DPP6: variants seen among roughly 807,000 people sequenced by gnomAD.
DPP6 encodes the protein A-type potassium channel modulatory protein DPP6.
In DPP6, 69 loss-of-function variants were observed where a neutral mutation model predicts 122.6. That is an observed-to-expected ratio of 0.56 (90% CI 0.46 to 0.69). DPP6 has a LOEUF of 0.69. Ranked by LOEUF, DPP6 falls within the 30% of genes least tolerant of loss-of-function variation. The pLI, the probability that DPP6 is intolerant of heterozygous loss-of-function variation, is 0.00. For missense variants in DPP6, 928 were observed against 1,116.9 expected (o/e 0.83, Z 2.41); for synonymous variants, 418 against 433.1 (o/e 0.97, Z 0.43).
intron 16 of DPP6, among the ~76,000 whole-genome samples, chr7:154,823,195 C>T (rs1799917012): frequency 6.6e-6 from 1 of 152,090 alleles, no homozygotes; most frequent in African/African-American, 2.4e-5. Flanking sequence ...CTCACAAGAC[C>T]TGGAACTGTG....
chr7:154,873,793 C>T (rs1301417568), intron 19 of DPP6, among the ~76,000 whole-genome samples: 3 of 150,374 alleles, frequency 2.0e-5, no homozygotes, highest in Non-Finnish European at 4.4e-5. Flanking sequence ...CACATGTGCA[C>T]ACATGCATCC....
chr7:153,766,606 AG>A, the DPP6 span, among the ~76,000 whole-genome samples: 1 of 152,164 alleles, frequency 6.6e-6, no homozygotes, highest in Non-Finnish European at 1.5e-5. Flanking sequence ...AGAATCCATG[AG>A]TTTTTTTTAA....
chr7:154,242,256 G>A (rs1563358507), intron 1 of DPP6, among the ~76,000 whole-genome samples: 1 of 152,148 alleles, frequency 6.6e-6, no homozygotes, highest in Admixed American at 6.5e-5. Context: ...CTTCACTCAG[G>A]CTTATGGAAT....
intron 3 of DPP6, among the ~76,000 whole-genome samples, chr7:154,511,680 A>T (rs1826101702): frequency 6.6e-6 from 1 of 152,224 alleles, no homozygotes; most frequent in Non-Finnish European, 1.5e-5. Flanking sequence ...CATTTAATAA[A>T]TACAAGTATG....
At chr7:154,804,998 C>A in intron 15 of DPP6, 34 bp downstream of exon 15, 1 of 1,578,564 alleles carries the variant, frequency 6.3e-7, no homozygotes, top group South Asian at 1.2e-5. Context: ...CAGGGCTCTC[C>A]CCCTTAGGAG....
chr7:154,253,908 C>T (rs1802501567), intron 1 of DPP6, among the ~76,000 whole-genome samples: 1 of 152,192 alleles, frequency 6.6e-6, no homozygotes, highest in Non-Finnish European at 1.5e-5. Context: ...TGTGTCTTCA[C>T]ATGGTGGCAG....
intron 7 of DPP6, among the ~76,000 whole-genome samples, chr7:154,717,074 GC>G (rs1841529914): frequency 1.3e-5 from 2 of 152,006 alleles, no homozygotes; most frequent in Non-Finnish European, 2.9e-5. Flanking sequence ...CTCGTGATCT[GC>G]CCACCTCAGC....
chr7:154,529,417 A>G (rs893289545), intron 3 of DPP6, among the ~76,000 whole-genome samples: 2 of 152,250 alleles, frequency 1.3e-5, no homozygotes, highest in African/African-American at 4.8e-5. Flanking sequence ...TGCCTGCTAG[A>G]ACAAAGGAAA....
chr7:154,242,647 C>T (rs750429099), intron 1 of DPP6, among the ~76,000 whole-genome samples: 1 of 152,174 alleles, frequency 6.6e-6, no homozygotes, highest in Admixed American at 6.5e-5. Flanking sequence ...TGCCTGGGAC[C>T]GTTTCCTGCA....
intron 1 of DPP6, among the ~76,000 whole-genome samples, chr7:154,151,578 C>T (rs1226852649): frequency 6.6e-6 from 1 of 152,204 alleles, no homozygotes; most frequent in Non-Finnish European, 1.5e-5. Flanking sequence ...GGAGGTTGCC[C>T]CAAGACCCTG....
chr7:154,679,193 G>A lies in DPP6; in HGVS notation c.762+9752G>A, dbSNP rs545350598. Reference sequence around the variant, plus strand: ...GTGTACCTGTGTGGACTCACACCTTGCTCTTCTCCCACTCTTAGGGAGGGA... The same window carrying A: ...GTGTACCTGTGTGGACTCACACCTTACTCTTCTCCCACTCTTAGGGAGGGA... On this transcript the variant is annotated intron_variant, in intron 7 of 25. Coordinates refer to ENST00000377770, the MANE Select transcript of DPP6 (RefSeq NM_130797.4). Among the ~76,000 whole-genome samples the A allele has an allele frequency of 2.0e-5, 3 of 152,226 alleles. No individual in the cohort carries two copies. The South Asian group carries it at 6.2e-4, about 32-fold the overall frequency.
the DPP6 span, among the ~76,000 whole-genome samples, chr7:153,756,928 C>A: frequency 6.6e-6 from 1 of 152,036 alleles, no homozygotes; most frequent in African/African-American, 2.4e-5. Flanking sequence ...GAATAGAGGG[C>A]AGTAAATGAG....
intron 1 of DPP6, among the ~76,000 whole-genome samples, chr7:154,152,753 G>T (rs1443104460): frequency 6.6e-6 from 1 of 152,214 alleles, no homozygotes; most frequent in African/African-American, 2.4e-5. Context: ...ACAGCTAGAG[G>T]ATGGGGGACT....
At chr7:153,820,036 G>A in the DPP6 span, among the ~76,000 whole-genome samples, 4 of 152,092 alleles carry the variant, frequency 2.6e-5, no homozygotes, top group African/African-American at 7.2e-5. Flanking sequence ...CTATAATCAC[G>A]TTACTTAGTT....
At chr7:154,794,257 GC>G (rs1797871427) in intron 11 of DPP6, 55 bp downstream of exon 11, 7 of 1,512,252 alleles carry the variant, frequency 4.6e-6, no homozygotes, top group Non-Finnish European at 6.2e-6. Flanking sequence ...ATGGTCAGAC[GC>G]GCCCGAGGTG....
intron 1 of DPP6, among the ~76,000 whole-genome samples, chr7:154,216,524 G>A (rs1800007430): frequency 6.6e-6 from 1 of 152,166 alleles, no homozygotes; most frequent in South Asian, 2.1e-4. Flanking sequence ...GAGGGATAAA[G>A]GAGAAGGATT....
In DPP6 at chr7:154,060,430, A is replaced by AG. The variant is rs1287445143; in HGVS notation, c.243+7369dup. Among the ~76,000 whole-genome samples, 33 of 134,484 alleles carry AG rather than the reference A, an allele frequency of 2.5e-4. No individual in the cohort carries two copies. In the South Asian group the frequency reaches 7.4e-3, roughly 30 times the overall value. The allele number at this position is 134,484 out of a possible 152,430, so 88.2% of individuals were successfully genotyped here. A position where few individuals can be genotyped will look rare whatever the true frequency, so the allele number is the denominator to read the frequency against. ...GCAGAGGGGGGAGGCACCCCCCGCG[A>AG]GGCGGGGACTGCGAGCCAGACCCTC... On this transcript the variant is annotated intron_variant, in intron 1 of 25. Transcript: ENST00000377770.
At chr7:153,812,627 G>A in the DPP6 span, among the ~76,000 whole-genome samples, 13 of 152,264 alleles carry the variant, frequency 8.5e-5, no homozygotes, top group East Asian at 2.1e-3. Flanking sequence ...AAAGCTCTAC[G>A]ACTTCCTGTC....
At chr7:154,004,144 A>G (rs1253485760) in intron 1 of DPP6, among the ~76,000 whole-genome samples, 1 of 152,228 alleles carries the variant, frequency 6.6e-6, no homozygotes. Context: ...ACCTGCTTTT[A>G]TCCTCACTGT....
Sources: gnomAD v4.1 joint callset for allele counts (sites outside exome capture counted in the v4.1 genomes callset) on GRCh38, gnomAD v4.1.1 for gene constraint, MANE v1.5 for transcripts, NCBI Gene and HGNC (gene_info 2026-07-23, HGNC 2026-07-21) for gene names.